Variants in CFAP299 observed in about 807,000 individuals in gnomAD.
CFAP299 encodes the protein cilia- and flagella-associated protein 299.
A neutral mutation model predicts 27.0 loss-of-function variants in CFAP299; 21 were observed. The ratio of observed to expected loss-of-function variants is 0.78; its 90% CI spans 0.55 to 1.12. The LOEUF (loss-of-function observed/expected upper bound fraction) is 1.12, where lower values mean the gene tolerates loss of function less well. Among genes scored for constraint, CFAP299 ranks in the 50% most tolerant of loss-of-function variants. The pLI, the probability that CFAP299 is intolerant of heterozygous loss-of-function variation, is 0.00. For synonymous variants in CFAP299, 104 were observed against 98.1 expected, an observed-to-expected ratio of 1.06 and a Z score of -0.36; for missense variants, 310 against 276.6, an observed-to-expected ratio of 1.12 and a Z score of -0.86.
intron 4 of CFAP299, among the ~76,000 whole-genome samples, chr4:80,942,948 A>C (rs1737273934): frequency 6.6e-6 from 1 of 152,176 alleles, no homozygotes; most frequent in South Asian, 2.1e-4. Flanking sequence ...AGATAGTCAA[A>C]TTGGCTTCTA....
At chr4:80,861,136 C>T (rs540883145) in intron 3 of CFAP299, among the ~76,000 whole-genome samples, 100 of 152,294 alleles carry the variant, frequency 6.6e-4, no homozygotes, top group African/African-American at 2.3e-3. Flanking sequence ...CCCCCAGCCT[C>T]GCTGCCACCT....
At chr4:80,441,793 G>A (rs1000348887) in intron 2 of CFAP299, among the ~76,000 whole-genome samples, 6 of 152,178 alleles carry the variant, frequency 3.9e-5, no homozygotes, top group African/African-American at 1.4e-4. Context: ...CCATCAGTGT[G>A]CTTGTATTCA....
chr4:80,476,053 G>A (rs1578488293), intron 2 of CFAP299, among the ~76,000 whole-genome samples: 1 of 152,294 alleles, frequency 6.6e-6, no homozygotes, highest in African/African-American at 2.4e-5. Context: ...CTGTAATAAT[G>A]CTGTCTCTCC....
At chr4:80,456,322 T>C (rs148635217) in intron 2 of CFAP299, among the ~76,000 whole-genome samples, 1 of 152,212 alleles carries the variant, frequency 6.6e-6, no homozygotes, top group African/African-American at 2.4e-5. Flanking sequence ...AGTGTCCAGA[T>C]ATCTGATATA....
intron 2 of CFAP299, among the ~76,000 whole-genome samples, chr4:80,561,127 T>C (rs957902125): frequency 4.6e-5 from 7 of 152,144 alleles, no homozygotes; most frequent in African/African-American, 1.7e-4. Flanking sequence ...ACAGAGAGTC[T>C]ATATGCTTGG....
intron 3 of CFAP299, among the ~76,000 whole-genome samples, chr4:80,684,658 C>T (rs1286493384): frequency 6.6e-6 from 1 of 151,458 alleles, no homozygotes; most frequent in Non-Finnish European, 1.5e-5. Context: ...TAAACTAGAC[C>T]TCATCTGTTC....
At chr4:80,935,547 C>T (rs533949914) in intron 4 of CFAP299, among the ~76,000 whole-genome samples, 1 of 146,228 alleles carries the variant, frequency 6.8e-6, no homozygotes, top group Non-Finnish European at 1.5e-5. Context: ...GAACCCCTTC[C>T]TTATATACTA....
chr4:80,672,063 G>T (rs2109994409), intron 3 of CFAP299, among the ~76,000 whole-genome samples: 1 of 152,216 alleles, frequency 6.6e-6, no homozygotes, highest in Middle Eastern at 3.4e-3. Context: ...GGTGAGAGAG[G>T]GCATCCCTGT....
At chr4:80,390,380 T>A (rs1725260083) in intron 2 of CFAP299, among the ~76,000 whole-genome samples, 2 of 151,804 alleles carry the variant, frequency 1.3e-5, no homozygotes, top group South Asian at 4.1e-4. Flanking sequence ...TTTGTCTTTC[T>A]GTGCCTGGCT....
chr4:80,776,146 A>C (rs1282694861), intron 3 of CFAP299, among the ~76,000 whole-genome samples: 2 of 152,188 alleles, frequency 1.3e-5, no homozygotes, highest in Non-Finnish European at 2.9e-5. Context: ...AAAACTGTTT[A>C]GGACACAAGG....
chr4:80,509,244 G>A (rs570823019), intron 2 of CFAP299, among the ~76,000 whole-genome samples: 12 of 152,186 alleles, frequency 7.9e-5, no homozygotes, highest in Admixed American at 2.0e-4. Context: ...AAAAATAATA[G>A]CATGGCAGTC....
intron 3 of CFAP299, among the ~76,000 whole-genome samples, chr4:80,665,683 G>A (rs1313260783): frequency 2.0e-5 from 3 of 152,128 alleles, no homozygotes; most frequent in Admixed American, 6.5e-5. Flanking sequence ...AAGGTAATAT[G>A]GTTTGGATCT....
At chr4:80,428,092 A>G (rs1434095092) in intron 2 of CFAP299, among the ~76,000 whole-genome samples, 1 of 152,170 alleles carries the variant, frequency 6.6e-6, no homozygotes, top group Non-Finnish European at 1.5e-5. Context: ...GCTCAATAAA[A>G]ACAGAACTCA....
At chr4:80,544,415 T>A (rs766485956) in intron 2 of CFAP299, among the ~76,000 whole-genome samples, 6 of 152,146 alleles carry the variant, frequency 3.9e-5, no homozygotes, top group Non-Finnish European at 8.8e-5. Context: ...TTAAAAGTCA[T>A]AGAGTGGCAA....
chr4:80,844,549 C>CTTCTTTTGAGAATTGTCTG (rs1731057842), intron 3 of CFAP299, among the ~76,000 whole-genome samples: 1 of 152,126 alleles, frequency 6.6e-6, no homozygotes, highest in Non-Finnish European at 1.5e-5. Flanking sequence ...GCATAAATGT[C>CTTCTTTTGAGAATTGTCTG]TTCTTTTGAG....
chr4:80,836,225 T>C (rs1323068405), intron 3 of CFAP299, among the ~76,000 whole-genome samples: 1 of 152,246 alleles, frequency 6.6e-6, no homozygotes, highest in Non-Finnish European at 1.5e-5. Context: ...CACTTTCTAA[T>C]ACACATGTAA....
intron 4 of CFAP299, among the ~76,000 whole-genome samples, chr4:80,911,919 A>G (rs1405924896): frequency 7.0e-6 from 1 of 143,834 alleles, no homozygotes; most frequent in Non-Finnish European, 1.5e-5. Flanking sequence ...GAGTTTCAAA[A>G]GCAAAATTTG....
chr4:80,588,653 C>T (rs1736569064), intron 3 of CFAP299, among the ~76,000 whole-genome samples: 1 of 145,424 alleles, frequency 6.9e-6, no homozygotes, highest in East Asian at 1.9e-4. Flanking sequence ...AATCTTATGT[C>T]TGCTAGTACA....
chr4:80,808,800 C>A (rs372535668), intron 3 of CFAP299, among the ~76,000 whole-genome samples: 1 of 152,120 alleles, frequency 6.6e-6, no homozygotes, highest in South Asian at 2.1e-4. Context: ...AGGTTAGAGC[C>A]CATTCTCCCT....
Sources: allele counts gnomAD v4.1 joint callset (sites outside exome capture counted in the v4.1 genomes callset), GRCh38; gene constraint gnomAD v4.1.1; transcripts MANE v1.5; gene names NCBI Gene and HGNC (gene_info 2026-07-23, HGNC 2026-07-21).